MGAT5: variants seen among roughly 807,000 people sequenced by gnomAD.
MGAT5 encodes the protein alpha-1,6-mannosylglycoprotein 6-beta-N-acetylglucosaminyltransferase A.
Under a neutral mutation model 94.3 loss-of-function variants are expected in MGAT5, and 30 were observed. The observed-to-expected ratio is 0.32, with a 90% CI of 0.24 to 0.43. MGAT5 has a LOEUF of 0.43. Among genes scored for constraint, MGAT5 ranks in the 20% least tolerant of loss-of-function variants. The pLI is 1.00. For synonymous variants in MGAT5, 310 were observed against 322.9 expected (o/e 0.96, Z 0.43); for missense variants, 691 against 905.5 (o/e 0.76, Z 3.04).
At chr2:134,441,251 C>G (rs1163437749) in intron 14 of MGAT5, among the ~76,000 whole-genome samples, 1 of 152,004 alleles carries the variant, frequency 6.6e-6, no homozygotes, top group Non-Finnish European at 1.5e-5. Context: ...GCGTCAGAAC[C>G]TTGCCATTGA....
At chr2:134,424,497 G>C (rs1000749342) in intron 13 of MGAT5, among the ~76,000 whole-genome samples, 2 of 152,164 alleles carry the variant, frequency 1.3e-5, no homozygotes, top group African/African-American at 4.8e-5. Context: ...TAAAAGAAGT[G>C]CCAAATGGAA....
At chr2:134,121,883 C>T (rs1355317878) in intron 1 of MGAT5, among the ~76,000 whole-genome samples, 1 of 152,142 alleles carries the variant, frequency 6.6e-6, no homozygotes, top group East Asian at 1.9e-4. Context: ...TCATGCACAT[C>T]CTAAGCCTTA....
At chr2:134,359,996 TG>T (rs1182830099) in intron 9 of MGAT5, among the ~76,000 whole-genome samples, 4 of 152,166 alleles carry the variant, frequency 2.6e-5, no homozygotes, top group Non-Finnish European at 4.4e-5. Flanking sequence ...TAGAGTCACC[TG>T]GGAGGCGAAG....
At chr2:134,180,421 T>C (rs1252859206) in intron 1 of MGAT5, among the ~76,000 whole-genome samples, 1 of 152,232 alleles carries the variant, frequency 6.6e-6, no homozygotes, top group Non-Finnish European at 1.5e-5. Context: ...CAGGTACCAC[T>C]GGTTTACCAG....
intron 1 of MGAT5, among the ~76,000 whole-genome samples, chr2:134,225,012 G>C (rs2593710): frequency 6.7e-6 from 1 of 150,206 alleles, no homozygotes; most frequent in South Asian, 2.1e-4. Flanking sequence ...CTGGGAGGCG[G>C]AGGCTTCAGT....
rs1686089609 is a variant in MGAT5, at chr2:134,451,199, AG to A, written c.*2353del. 1 of 152,222 alleles carries A rather than the reference AG, an allele frequency of 6.6e-6. No homozygotes were observed. Among genetic ancestry groups the A allele is most frequent in the Non-Finnish European group, 1.5e-5 (1 of 68,050 alleles). 9.4% of individuals were successfully genotyped at this position (152,222 alleles called of 1,614,324 possible). On this transcript the variant is annotated 3_prime_UTR_variant, in exon 16 of 16. Transcript: ENST00000281923. Reference sequence around the variant, plus strand: ...AAGGATCATTTGCTGGCTGTCCCTAAGTTCAAGGCCTCCCTACCTTCCCCTT... The same window carrying A: ...AAGGATCATTTGCTGGCTGTCCCTAATTCAAGGCCTCCCTACCTTCCCCTT...
chr2:134,136,966 C>T (rs1439419819), intron 1 of MGAT5, among the ~76,000 whole-genome samples: 1 of 152,166 alleles, frequency 6.6e-6, no homozygotes, highest in African/African-American at 2.4e-5. Flanking sequence ...CAGAACGTTC[C>T]TCTAGCAAGG....
At chr2:134,130,835 A>C (rs918413872) in intron 1 of MGAT5, among the ~76,000 whole-genome samples, 15 of 151,860 alleles carry the variant, frequency 9.9e-5, no homozygotes, top group African/African-American at 3.4e-4. Context: ...GTGTCTAGCT[A>C]ATCTAGTGGG....
intron 14 of MGAT5, among the ~76,000 whole-genome samples, chr2:134,439,826 G>A (rs993579419): frequency 3.9e-5 from 6 of 152,168 alleles, no homozygotes; most frequent in African/African-American, 7.2e-5. Context: ...CAAGGGGCCC[G>A]CCTGGCAGCA....
intron 8 of MGAT5, among the ~76,000 whole-genome samples, chr2:134,347,676 A>G (rs1689002278): frequency 6.6e-6 from 1 of 152,192 alleles, no homozygotes; most frequent in African/African-American, 2.4e-5. Flanking sequence ...ATATGAGAGG[A>G]TGTGCGTAGG....
intron 1 of MGAT5, among the ~76,000 whole-genome samples, chr2:134,259,957 G>A (rs1455753067): frequency 6.6e-6 from 1 of 152,154 alleles, no homozygotes; most frequent in Non-Finnish European, 1.5e-5. Context: ...GCACTAGAAG[G>A]TCACCTCTCT....
chr2:134,234,385 C>T (rs542701265), intron 1 of MGAT5, among the ~76,000 whole-genome samples: 1 of 152,330 alleles, frequency 6.6e-6, no homozygotes, highest in Admixed American at 6.5e-5. Flanking sequence ...TGAATCTCTT[C>T]CTTCAAGAAG....
At chr2:134,338,915 C>T (rs1379345551) in intron 6 of MGAT5, among the ~76,000 whole-genome samples, 1 of 152,032 alleles carries the variant, frequency 6.6e-6, no homozygotes, top group Admixed American at 6.6e-5. Flanking sequence ...TTTATGAGGA[C>T]AGGCTTGGAA....
intron 15 of MGAT5, 26 bp from the exon 16 acceptor site, chr2:134,448,623 A>T (rs746929021): frequency 2.5e-6 from 4 of 1,610,368 alleles, no homozygotes; most frequent in African/African-American, 2.7e-5. Flanking sequence ...CATCACCAAC[A>T]CTTGTGCCTT....
chr2:134,325,371 G>A (rs1012320680), intron 4 of MGAT5, among the ~76,000 whole-genome samples: 3 of 152,030 alleles, frequency 2.0e-5, no homozygotes, highest in Non-Finnish European at 4.4e-5. Context: ...TTAAAATTAT[G>A]TTTTAAACTT....
chr2:134,203,769 A>G (rs1679907151), intron 1 of MGAT5, among the ~76,000 whole-genome samples: 1 of 152,136 alleles, frequency 6.6e-6, no homozygotes, highest in Non-Finnish European at 1.5e-5. Context: ...GATGAATTGT[A>G]TTCATTTTTT....
chr2:134,336,269 A>T lies in MGAT5; in HGVS notation c.626A>T (p.Glu209Val), dbSNP rs1688325653. The part of the protein sequence containing the change: ...LPWRAKNPYE[E>V]ADHNSLAEIR... ...TGGAGAGCAAAAAATCCCTACGAAG[A>T]AGCTGATCATAATTCATTGGTAAGT... Residue 209 changes from glutamate (E) to valine (V), a missense_variant, in exon 5 of 16, where the codon GAA (glutamate) becomes GTA (valine). By Grantham distance (121) the Glu-to-Val change is moderately radical (BLOSUM62 -2). This residue lies in a region of MGAT5 where 307 missense variants were observed against 335.4 expected (regional missense o/e 0.92). Transcript: ENST00000281923. 1 of 1,612,786 alleles carries T rather than the reference A, an allele frequency of 6.2e-7. No homozygotes were observed. The highest frequency in any genetic ancestry group is 8.5e-7 in the Non-Finnish European group (1 of 1,179,280).
chr2:134,226,487 A>T (rs573839175), intron 1 of MGAT5, among the ~76,000 whole-genome samples: 1 of 152,032 alleles, frequency 6.6e-6, no homozygotes, highest in East Asian at 1.9e-4. Flanking sequence ...CTATGTTTCT[A>T]CTTGCTTTTA....
intron 2 of MGAT5, among the ~76,000 whole-genome samples, chr2:134,293,502 T>C (rs1685496224): frequency 6.6e-6 from 1 of 152,092 alleles, no homozygotes; most frequent in South Asian, 2.1e-4. Context: ...AGGGTCAAAC[T>C]CTGTCACCTA....
Sources: allele counts gnomAD v4.1 joint callset (sites outside exome capture counted in the v4.1 genomes callset), GRCh38; gene constraint gnomAD v4.1.1; regional missense constraint gnomAD v4.1.1; transcripts MANE v1.5; gene names NCBI Gene and HGNC (gene_info 2026-07-23, HGNC 2026-07-21).